BCLAF3: variants seen among roughly 807,000 people sequenced by gnomAD.
BCLAF3 encodes transient octamer binding factor 1.
A neutral mutation model predicts 51.2 loss-of-function variants in BCLAF3; 24 were observed. That is an observed-to-expected ratio of 0.47 (90% confidence interval 0.34 to 0.66). The LOEUF is 0.66. Ranked by LOEUF, BCLAF3 falls within the 30% of genes least tolerant of loss-of-function variation. The pLI, the probability that BCLAF3 is intolerant of heterozygous loss-of-function variation, is 0.01. For synonymous variants in BCLAF3, 152 were observed against 176.6 expected (o/e 0.86, Z 1.10); for missense variants, 465 against 525.1 (o/e 0.89, Z 1.12).
At chrX:19,937,015 C>A (rs989645939) in intron 9 of BCLAF3, among the ~76,000 whole-genome samples, 3 of 111,455 alleles carry the variant, frequency 2.7e-5, no homozygotes, top group African/African-American at 6.5e-5. Flanking sequence ...CCCAAAAAAT[C>A]TTTTTTGAAT....
chrX:19,952,937 T>C, intron 7 of BCLAF3, 51 bp downstream of exon 7: 5 of 1,030,785 alleles, frequency 4.9e-6, no homozygotes, highest in Non-Finnish European at 6.7e-6. Context: ...CCCCTTGCCG[T>C]TAATATACAA....
chrX:19,956,391 T>G (rs1029498801), intron 4 of BCLAF3, among the ~76,000 whole-genome samples: 1 of 111,613 alleles, frequency 9.0e-6, no homozygotes, highest in Non-Finnish European at 1.9e-5. Context: ...TCATTTCATC[T>G]TTACAATAAC....
intron 1 of BCLAF3, among the ~76,000 whole-genome samples, chrX:19,972,390 A>G (rs1027429845): frequency 9.0e-6 from 1 of 111,627 alleles, no homozygotes; most frequent in Non-Finnish European, 1.9e-5. Context: ...AAAGGTGGTA[A>G]TTTTTTTGGG....
chrX:19,935,834 C>A lies in BCLAF3; in HGVS notation c.1925G>T (p.Arg642Leu). 2 of 1,208,581 alleles carry A rather than the reference C, an allele frequency of 1.7e-6. No homozygotes were observed. Among genetic ancestry groups the A allele is most frequent in the South Asian group, 3.5e-5 (2 of 56,840 alleles). Residue 642 changes from arginine to leucine, a missense_variant, in exon 10 of 12, where the codon CGA becomes CTA. Arg to Leu is a moderately radical substitution (Grantham distance 102). Transcript: ENST00000379682. ...CTTAAAAGGTCTTACTCTTGTGTTTCGGTGGTTTCCCTCAACCTCAAATGG... is the reference window on the plus strand; with the variant it reads ...CTTAAAAGGTCTTACTCTTGTGTTTAGGTGGTTTCCCTCAACCTCAAATGG... ...HKPFEVEGNH[R>L]NTRVRPFKSN...
At position 19,931,513 on chromosome X, in the gene BCLAF3, A is replaced by G. The variant is rs762685272; in HGVS notation, c.1951-1573T>C. ...TGAAAAGGATTTCTCCCCCAAAATC[A>G]TTCAATTAAATTCTCCTATAGAAAA... On this transcript the variant is annotated intron_variant, in intron 10 of 11. Transcript: ENST00000379682. Among the ~76,000 whole-genome samples the G allele has an allele frequency of 5.5e-3, 621 of 112,078 alleles. 5 individuals are homozygous for G. The highest frequency in any genetic ancestry group is 0.019 in the African/African-American group (602 of 30,888).
intron 11 of BCLAF3, among the ~76,000 whole-genome samples, chrX:19,926,426 C>A (rs933145570): frequency 1.1e-4 from 12 of 111,449 alleles, no homozygotes; most frequent in African/African-American, 3.9e-4. Context: ...TTTCTATTTG[C>A]TGTGAAGCGG....
At chrX:19,930,581 G>C (rs1048447163) in intron 10 of BCLAF3, 7 of 224,303 alleles carry the variant, frequency 3.1e-5, no homozygotes, top group Non-Finnish European at 5.4e-5. Flanking sequence ...GAGATAGCTT[G>C]AGTCTTGGAG....
chrX:19,937,100 C>T (rs2070793530), intron 9 of BCLAF3, among the ~76,000 whole-genome samples: 1 of 110,941 alleles, frequency 9.0e-6, no homozygotes, highest in Non-Finnish European at 1.9e-5. Flanking sequence ...GTCTTGAACT[C>T]CTGGGCTCAA....
At chrX:19,941,558 G>A (rs1355448921) in intron 8 of BCLAF3, among the ~76,000 whole-genome samples, 1 of 108,722 alleles carries the variant, frequency 9.2e-6, no homozygotes, top group Non-Finnish European at 1.9e-5. Flanking sequence ...TTTTTCTCGG[G>A]TTTGTCAAAG....
chrX:19,932,514 T>C (rs1472483724), intron 10 of BCLAF3, among the ~76,000 whole-genome samples: 1 of 106,181 alleles, frequency 9.4e-6, no homozygotes, highest in Non-Finnish European at 1.9e-5. Context: ...TCTTTACAGA[T>C]ACAAGTCAAG....
At chrX:19,952,059 G>A (rs1247422910) in intron 7 of BCLAF3, among the ~76,000 whole-genome samples, 1 of 112,085 alleles carries the variant, frequency 8.9e-6, no homozygotes, top group Non-Finnish European at 1.9e-5. Context: ...TAGTGACTAC[G>A]TTAAAATGCA....
chrX:19,945,775 G>A (rs1227549675), intron 8 of BCLAF3, among the ~76,000 whole-genome samples: 1 of 100,645 alleles, frequency 9.9e-6, no homozygotes, highest in Non-Finnish European at 2.0e-5. Flanking sequence ...AGGCAGGCAG[G>A]CCTCCTTGAG....
rs769825142 is a variant in BCLAF3 at position 19,965,298 on chromosome X, T to C, written c.1020A>G (p.Glu340=). The change falls in exon 4 of 12, where the codon GAA becomes GAG. Residue 340 remains glutamate (E), a synonymous_variant. Transcript: ENST00000379682. ...GRETQDGQVK[E]PFKPSKKDSI... The stretch of plus-strand genomic sequence containing the variant: ...TGTCTTTCTTAGACGGTTTAAAAGG[T>C]TCTTTGACTTGTCCATCTTGAGTCT... 2.5e-6 allele frequency: 3 copies of C among 1,211,529 alleles called. No individual in the cohort carries two copies. The South Asian group carries it at 5.3e-5, about 21-fold the overall frequency.
At chrX:19,950,667 T>C in intron 8 of BCLAF3, 86 bp downstream of exon 8, 1 of 636,119 alleles carries the variant, frequency 1.6e-6, no homozygotes, top group East Asian at 3.4e-5. Context: ...TATATTAAAA[T>C]GAAAATTATC....
In BCLAF3 at chrX:19,950,779, A is replaced by C; in HGVS notation, c.1719T>G (p.Ile573Met). 1 of 1,208,269 alleles carries C rather than the reference A, an allele frequency of 8.3e-7. No homozygotes were observed. ...TCTCTGCAGCACTAGCTATGTGAAA[A>C]ATGTGCTCATCTTCATTCTGTAACC... Reference protein sequence around the residue: ...KERLQNEDEHIFHIASAAERD... With the variant: ...KERLQNEDEHMFHIASAAERD... The change falls in exon 8 of 12, where the codon ATT becomes ATG. Residue 573 changes from isoleucine (I) to methionine (M), a missense_variant. Ile to Met is a conservative substitution (Grantham distance 10). Coordinates refer to ENST00000379682, the MANE Select transcript of BCLAF3 (RefSeq NM_001367774.2).
At chrX:19,926,469 G>A (rs1227885021) in intron 11 of BCLAF3, among the ~76,000 whole-genome samples, 2 of 111,286 alleles carry the variant, frequency 1.8e-5, no homozygotes, top group Non-Finnish European at 3.8e-5. Flanking sequence ...GAAGAATAGG[G>A]TGGTCAGCAG....
chrX:19,981,376 C>T (rs1313976417), intron 1 of BCLAF3, among the ~76,000 whole-genome samples: 1 of 111,180 alleles, frequency 9.0e-6, no homozygotes, highest in Non-Finnish European at 1.9e-5. Flanking sequence ...AAAATCAAAA[C>T]AAAACAAAAA....
chrX:19,959,981 A>G (rs1027537004), intron 4 of BCLAF3, among the ~76,000 whole-genome samples: 1 of 109,749 alleles, frequency 9.1e-6, no homozygotes, highest in Non-Finnish European at 1.9e-5. Context: ...TTTTTTGTAA[A>G]GATGGAGTTT....
chrX:19,937,167 A>G (rs1233862877), intron 9 of BCLAF3, among the ~76,000 whole-genome samples: 2 of 111,595 alleles, frequency 1.8e-5, no homozygotes, highest in African/African-American at 6.5e-5. Context: ...GAGCCACTGC[A>G]CCTGGCCCCC....
Sources: gnomAD v4.1 joint callset for allele counts (sites outside exome capture counted in the v4.1 genomes callset) on GRCh38, gnomAD v4.1.1 for gene constraint, MANE v1.5 for transcripts, NCBI Gene and HGNC (gene_info 2026-07-23, HGNC 2026-07-21) for gene names.